The following LIMA1 variants were observed in gnomAD, a reference collection of about 807,000 sequenced individuals.
The protein encoded by LIMA1 is LIM domain and actin binding 1, also known as LIM domain and actin-binding protein 1.
LIMA1 carries 52 observed loss-of-function variants against 62.6 expected under a neutral mutation model. The ratio of observed to expected loss-of-function variants is 0.83; its 90% CI spans 0.67 to 1.05. The LOEUF (loss-of-function observed/expected upper bound fraction) is 1.05. Ranked by LOEUF, LIMA1 falls within the 50% of genes least tolerant of loss-of-function variation. LIMA1 has a pLI of 0.00. For synonymous variants in LIMA1, 302 were observed against 317.8 expected (o/e 0.95, Z 0.53); for missense variants, 780 against 902.2 (o/e 0.86, Z 1.74).
At chr12:50,277,916 G>A (rs1046892986) in intron 1 of LIMA1, among the ~76,000 whole-genome samples, 5 of 152,220 alleles carry the variant, frequency 3.3e-5, no homozygotes, top group Non-Finnish European at 5.9e-5. Context: ...TATGAAAAAT[G>A]TTCTCTCTCA....
chr12:50,213,126 G>C (rs1457197345), intron 4 of LIMA1, among the ~76,000 whole-genome samples: 1 of 152,146 alleles, frequency 6.6e-6, no homozygotes, highest in African/African-American at 2.4e-5. Context: ...CACCACGCCA[G>C]GTCCCAAACT....
At chr12:50,182,865 AAAAG>A (rs1329965033) in intron 9 of LIMA1, among the ~76,000 whole-genome samples, 7 of 152,192 alleles carry the variant, frequency 4.6e-5, no homozygotes, top group Non-Finnish European at 8.8e-5. Flanking sequence ...TAGCACTGAT[AAAAG>A]CCAGAACTCC....
chr12:50,256,912 A>G (rs1846761853), intron 1 of LIMA1, among the ~76,000 whole-genome samples: 1 of 152,238 alleles, frequency 6.6e-6, no homozygotes, highest in Admixed American at 6.5e-5. Context: ...TTCACAGTGC[A>G]TCATATCAGA....
chr12:50,207,976 C>T (rs934045199), intron 4 of LIMA1, among the ~76,000 whole-genome samples: 1 of 151,814 alleles, frequency 6.6e-6, no homozygotes, highest in East Asian at 1.9e-4. Flanking sequence ...CATACCACAT[C>T]AGAAATCAGA....
intron 2 of LIMA1, among the ~76,000 whole-genome samples, chr12:50,244,159 C>T (rs541917360): frequency 1.3e-5 from 2 of 152,132 alleles, no homozygotes; most frequent in East Asian, 3.9e-4. Context: ...AGTGCAGTGG[C>T]GTGATCTCGG....
In LIMA1 at chr12:50,222,315, A is replaced by G; in HGVS notation, c.336T>C (p.Ala112=). The change falls in exon 4 of 11, where the codon GCT becomes GCC. Residue 112 remains alanine, a synonymous_variant. Transcript: ENST00000341247. ...DHPPAEVTSH[A]ASGAKADQEE... is the part of the protein sequence containing the mutation. ...CTTGGTCAGCTTTGGCTCCAGAAGC[A>G]GCGTGGCTTGTCACTTCAGCAGGAG... 6.2e-7 allele frequency: 1 copy of G among 1,614,174 alleles called. No individual in the cohort carries two copies. Among genetic ancestry groups the G allele is most frequent in the Non-Finnish European group, 8.5e-7 (1 of 1,180,044 alleles).
intron 6 of LIMA1, 151 bp from the exon 7 acceptor site, chr12:50,201,035 C>T: frequency 1.4e-6 from 2 of 1,428,788 alleles, no homozygotes; most frequent in Non-Finnish European, 1.8e-6. Flanking sequence ...AAGCAAAACC[C>T]ACTGACTAGT....
At chr12:50,247,495 G>A (rs1247430214) in intron 2 of LIMA1, among the ~76,000 whole-genome samples, 1 of 152,028 alleles carries the variant, frequency 6.6e-6, no homozygotes, top group East Asian at 1.9e-4. Flanking sequence ...TTGTGAGTGA[G>A]CCAGCCTTTT....
intron 2 of LIMA1, among the ~76,000 whole-genome samples, chr12:50,241,724 AT>A (rs947433569): frequency 6.6e-6 from 1 of 152,038 alleles, no homozygotes; most frequent in Non-Finnish European, 1.5e-5. Context: ...GTACTCTTAG[AT>A]TGCCACAAGA....
intron 1 of LIMA1, among the ~76,000 whole-genome samples, chr12:50,273,076 AAAC>A (rs1942234628): frequency 6.6e-6 from 1 of 151,086 alleles, no homozygotes; most frequent in South Asian, 2.1e-4. Flanking sequence ...AATTGGTTAT[AAAC>A]ATTTTTTTTT....
intron 8 of LIMA1, among the ~76,000 whole-genome samples, chr12:50,194,446 AC>A (rs569808541): frequency 2.5e-4 from 38 of 151,548 alleles, no homozygotes; most frequent in Admixed American, 1.4e-3. Context: ...ACAGGCGCCC[AC>A]CACCACGCCT....
intron 3 of LIMA1, among the ~76,000 whole-genome samples, chr12:50,224,896 ATTTTTTT>A (rs773474227): frequency 2.9e-5 from 3 of 104,860 alleles, no homozygotes; most frequent in Non-Finnish European, 5.7e-5. Flanking sequence ...CATGCCTGGC[ATTTTTTT>A]TTTTTTTTTT....
At chr12:50,265,888 C>T (rs924924081) in intron 1 of LIMA1, among the ~76,000 whole-genome samples, 2 of 152,026 alleles carry the variant, frequency 1.3e-5, no homozygotes, top group African/African-American at 4.8e-5. Context: ...ACATCCTTCC[C>T]ATCTCCACAC....
In LIMA1 at chr12:50,177,247, T is replaced by C. The variant is rs761108146; in HGVS notation, c.2097A>G (p.Pro699=). The change falls in exon 11 of 11, where the codon CCA becomes CCG. Residue 699 remains proline, a synonymous_variant. Transcript: ENST00000341247. ...ACCAATTCAGAGACTTGGGTTCTTG[T>C]GGAGATTGTTGTTTGAGGAAGCTGT... The part of the protein sequence containing the change: ...DDNSFLKQQS[P]QEPKSLNWSS... The C allele has an allele frequency of 2.4e-5, 39 of 1,614,102 alleles. No individual in the cohort carries two copies. The highest frequency in any genetic ancestry group is 3.0e-5 in the Non-Finnish European group (35 of 1,179,992).
intron 1 of LIMA1, among the ~76,000 whole-genome samples, chr12:50,258,581 G>A (rs1942027072): frequency 6.6e-6 from 1 of 150,778 alleles, no homozygotes; most frequent in Non-Finnish European, 1.5e-5. Flanking sequence ...ATAGGTGTGA[G>A]CCACTGTGCC....
chr12:50,184,941 C>T (rs553095812), intron 9 of LIMA1, among the ~76,000 whole-genome samples: 168 of 152,238 alleles, frequency 1.1e-3, no homozygotes, highest in Middle Eastern at 0.01. Context: ...AAGCGATTCT[C>T]CTGCCTCAGC....
chr12:50,212,640 T>C (rs1941277979), intron 4 of LIMA1, among the ~76,000 whole-genome samples: 1 of 152,158 alleles, frequency 6.6e-6, no homozygotes, highest in Non-Finnish European at 1.5e-5. Context: ...GTCATATCTA[T>C]TAATTTAAGT....
At chr12:50,241,447 G>T (rs751007605) in intron 2 of LIMA1, among the ~76,000 whole-genome samples, 4 of 151,976 alleles carry the variant, frequency 2.6e-5, no homozygotes, top group South Asian at 4.1e-4. Flanking sequence ...AAGCTCAGAG[G>T]TTCCCTTCCC....
At chr12:50,200,154 CA>C (rs1941014861) in intron 7 of LIMA1, among the ~76,000 whole-genome samples, 1 of 152,150 alleles carries the variant, frequency 6.6e-6, no homozygotes, top group African/African-American at 2.4e-5. Context: ...CTTGGCCTCC[CA>C]AAGTGCTGGG....
Sources: gnomAD v4.1 joint callset for allele counts (sites outside exome capture counted in the v4.1 genomes callset) on GRCh38, gnomAD v4.1.1 for gene constraint, MANE v1.5 for transcripts, NCBI Gene and HGNC (gene_info 2026-07-23, HGNC 2026-07-21) for gene names.